Variants in ARHGAP10 observed in about 807,000 individuals in gnomAD.
The protein encoded by ARHGAP10 is rho GTPase-activating protein 10.
A neutral mutation model predicts 108.6 loss-of-function variants in ARHGAP10; 87 were observed. The ratio of observed to expected loss-of-function variants is 0.80; its 90% confidence interval spans 0.67 to 0.96. The LOEUF is 0.96. Ranked by LOEUF, ARHGAP10 falls within the 40% of genes least tolerant of loss-of-function variation. The pLI is 0.00. For synonymous variants in ARHGAP10, 347 were observed against 341.1 expected, an observed-to-expected ratio of 1.02 and a Z score of -0.19; for missense variants, 939 against 954.5, an observed-to-expected ratio of 0.98 and a Z score of 0.21.
chr4:147,974,986 CAT>C (rs1446102906), intron 18 of ARHGAP10, among the ~76,000 whole-genome samples: 1 of 152,192 alleles, frequency 6.6e-6, no homozygotes, highest in African/African-American at 2.4e-5. Context: ...CCTCCCACAA[CAT>C]GTGGGAATAT....
chr4:147,789,991 ATTTTTT>A (rs767313173), intron 1 of ARHGAP10, among the ~76,000 whole-genome samples: 4 of 117,810 alleles, frequency 3.4e-5, no homozygotes, highest in Admixed American at 8.8e-5. Context: ...TGGTGTGTGG[ATTTTTT>A]TTTTTTTTTT....
chr4:148,041,384 G>A (rs760397220), intron 19 of ARHGAP10, among the ~76,000 whole-genome samples: 21 of 152,236 alleles, frequency 1.4e-4, no homozygotes, highest in Non-Finnish European at 2.6e-4. Context: ...TATTTGAAAG[G>A]AGACAAAGAA....
chr4:148,020,204 A>G (rs961890514), intron 18 of ARHGAP10, among the ~76,000 whole-genome samples: 3 of 152,200 alleles, frequency 2.0e-5, no homozygotes, highest in South Asian at 2.1e-4. Flanking sequence ...AATCTTTGAC[A>G]TATTTTATAC....
intron 3 of ARHGAP10, among the ~76,000 whole-genome samples, chr4:147,841,685 T>C (rs987659554): frequency 6.6e-6 from 1 of 152,254 alleles, no homozygotes; most frequent in Non-Finnish European, 1.5e-5. Flanking sequence ...CATTGCCTTA[T>C]TGAAACATTT....
chr4:148,039,519 C>T (rs9994275), intron 19 of ARHGAP10, among the ~76,000 whole-genome samples: 20,408 of 151,236 alleles, frequency 0.13, 2,281 homozygotes, highest in African/African-American at 0.31. Context: ...AGGCTGATCT[C>T]GAATTCTGGA....
At chr4:147,848,741 A>T (rs544730019) in intron 4 of ARHGAP10, among the ~76,000 whole-genome samples, 1 of 152,240 alleles carries the variant, frequency 6.6e-6, no homozygotes, top group African/African-American at 2.4e-5. Context: ...TTTACTTGCC[A>T]TCTATTCTAC....
chr4:147,993,353 T>C (rs1348520378), intron 18 of ARHGAP10, among the ~76,000 whole-genome samples: 1 of 152,242 alleles, frequency 6.6e-6, no homozygotes, highest in Non-Finnish European at 1.5e-5. Flanking sequence ...GGCTAGGTGA[T>C]GATGTATGTA....
chr4:147,981,199 A>G (rs1739794694), intron 18 of ARHGAP10, among the ~76,000 whole-genome samples: 1 of 152,196 alleles, frequency 6.6e-6, no homozygotes, highest in Non-Finnish European at 1.5e-5. Flanking sequence ...TGTTTTGTGC[A>G]GTAAACGTTC....
chr4:147,848,579 C>T (rs1733728355), intron 4 of ARHGAP10, among the ~76,000 whole-genome samples: 1 of 152,192 alleles, frequency 6.6e-6, no homozygotes, highest in African/African-American at 2.4e-5. Flanking sequence ...AAGCTTGTTG[C>T]ATTTTGGTTC....
chr4:147,748,484 C>T (rs1378253073), intron 1 of ARHGAP10, among the ~76,000 whole-genome samples: 4 of 152,142 alleles, frequency 2.6e-5, no homozygotes, highest in Non-Finnish European at 4.4e-5. Context: ...TGTATACTTA[C>T]AATTTTCCTA....
At position 147,909,827 on chromosome 4, in the gene ARHGAP10, C is replaced by G. The variant is rs1736662757; in HGVS notation, c.1162+50C>G. ...TTGTATCCTCCTTTTCCATCTATTA[C>G]TTTGTGTACATTATGCATGTCAAGC... On this transcript the variant is annotated intron_variant, in intron 12 of 22. Transcript: ENST00000336498. 5 of 1,544,754 alleles carry G rather than the reference C, an allele frequency of 3.2e-6. No individual in the cohort carries two copies. The South Asian group carries it at 5.6e-5, about 17-fold the overall frequency.
chr4:147,737,608 T>C (rs964032882), intron 1 of ARHGAP10, among the ~76,000 whole-genome samples: 4 of 152,240 alleles, frequency 2.6e-5, no homozygotes, highest in African/African-American at 9.6e-5. Flanking sequence ...GGAATACTCA[T>C]CTACACTCTT....
At chr4:147,822,674 T>G (rs1209497683) in intron 1 of ARHGAP10, 53 bp from the exon 2 acceptor site, 1 of 1,540,718 alleles carries the variant, frequency 6.5e-7, no homozygotes, top group Non-Finnish European at 9.0e-7. Context: ...AAATTTCTTT[T>G]ATGCTTTGAC....
chr4:147,737,643 C>T (rs1318804496), intron 1 of ARHGAP10, among the ~76,000 whole-genome samples: 4 of 152,166 alleles, frequency 2.6e-5, no homozygotes, highest in Admixed American at 2.6e-4. Context: ...TACCATAGAG[C>T]CCCTACAATT....
chr4:147,914,279 A>T (rs1736867516), intron 13 of ARHGAP10, among the ~76,000 whole-genome samples: 2 of 152,170 alleles, frequency 1.3e-5, no homozygotes, highest in Admixed American at 6.5e-5. Context: ...CATACACAGA[A>T]AATTTCTGTT....
At chr4:147,928,251 G>C (rs75550010) in intron 13 of ARHGAP10, among the ~76,000 whole-genome samples, 4,823 of 152,274 alleles carry the variant, frequency 0.032, 260 homozygotes, top group African/African-American at 0.11. Flanking sequence ...AGACCCAGAA[G>C]TGAGTATTTG....
At chr4:148,023,901 G>C (rs1038196784) in intron 19 of ARHGAP10, among the ~76,000 whole-genome samples, 4 of 152,238 alleles carry the variant, frequency 2.6e-5, no homozygotes, top group Non-Finnish European at 5.9e-5. Flanking sequence ...GTGGCAGGTT[G>C]ACCTGCCTAC....
rs572146356 is a variant in ARHGAP10, at chr4:147,735,162, A to G, written c.154+2707A>G. On this transcript the variant is annotated intron_variant, in intron 1 of 22. Coordinates refer to ENST00000336498, the MANE Select transcript of ARHGAP10 (RefSeq NM_024605.4). ...ATTTAGCACCTATAATTTGCTAAATACTGGAATTAGATACGGATTTATAAT... is the reference window on the plus strand; with the variant it reads ...ATTTAGCACCTATAATTTGCTAAATGCTGGAATTAGATACGGATTTATAAT... Among the ~76,000 whole-genome samples the G allele has an allele frequency of 5.3e-5, 8 of 152,364 alleles. No individual in the cohort carries two copies. The South Asian group carries it at 1.4e-3, about 28-fold the overall frequency.
chr4:147,771,131 C>T (rs960022481), intron 1 of ARHGAP10, among the ~76,000 whole-genome samples: 6 of 152,008 alleles, frequency 3.9e-5, no homozygotes, highest in African/African-American at 2.4e-5. Context: ...ATCACTTAAG[C>T]CCAGGAGTTT....
Sources: allele counts gnomAD v4.1 joint callset (sites outside exome capture counted in the v4.1 genomes callset), GRCh38; gene constraint gnomAD v4.1.1; transcripts MANE v1.5; gene names NCBI Gene and HGNC (gene_info 2026-07-23, HGNC 2026-07-21).